The following PHLPP2 variants were observed in gnomAD, a reference collection of about 807,000 sequenced individuals.
PHLPP2 encodes the protein PH domain and leucine rich repeat protein phosphatase 2.
Under a neutral mutation model 124.9 loss-of-function variants are expected in PHLPP2, and 66 were observed. The ratio of observed to expected loss-of-function variants is 0.53; its 90% CI spans 0.43 to 0.65. The LOEUF is 0.65. Ranked by LOEUF, PHLPP2 falls within the 30% of genes least tolerant of loss-of-function variation. PHLPP2 has a pLI of 0.00. For synonymous variants in PHLPP2, 681 were observed against 624.7 expected (o/e 1.09, Z -1.34); for missense variants, 1,685 against 1,600.4 (o/e 1.05, Z -0.90).
intron 15 of PHLPP2, among the ~76,000 whole-genome samples, chr16:71,656,931 T>C (rs2044746926): frequency 6.6e-6 from 1 of 151,046 alleles, no homozygotes; most frequent in Non-Finnish European, 1.5e-5. Flanking sequence ...TGTATTTCTT[T>C]ATTTTATTCT....
At chr16:71,710,593 C>T (rs1470070910) in intron 2 of PHLPP2, among the ~76,000 whole-genome samples, 1 of 152,204 alleles carries the variant, frequency 6.6e-6, no homozygotes, top group Non-Finnish European at 1.5e-5. Context: ...AGGTGCCAGA[C>T]ATCAATCTAA....
chr16:71,717,561 C>G (rs1386512755), intron 1 of PHLPP2, among the ~76,000 whole-genome samples: 5 of 152,182 alleles, frequency 3.3e-5, no homozygotes, highest in African/African-American at 1.2e-4. Context: ...ACTGCATAAA[C>G]ATAGGGACCA....
chr16:71,696,482 C>G (rs771543678), intron 3 of PHLPP2, among the ~76,000 whole-genome samples: 33 of 151,896 alleles, frequency 2.2e-4, no homozygotes, highest in Admixed American at 4.6e-4. Context: ...ACTAAAAATA[C>G]AAAAACTAGC....
At chr16:71,668,590 C>T (rs1222409835) in intron 11 of PHLPP2, among the ~76,000 whole-genome samples, 1 of 151,886 alleles carries the variant, frequency 6.6e-6, no homozygotes, top group Non-Finnish European at 1.5e-5. Context: ...AGCAAAGCCC[C>T]GTCTCTACTA....
chr16:71,668,499 C>T (rs1016402265), intron 11 of PHLPP2, among the ~76,000 whole-genome samples: 4 of 150,092 alleles, frequency 2.7e-5, no homozygotes, highest in South Asian at 2.1e-4. Context: ...TGGTGGCTCA[C>T]GCCTGTAATC....
Position 71,669,286 on chromosome 16 carries a change from C to T in PHLPP2, c.1617G>A (p.Glu539=). 6.2e-7 allele frequency: 1 copy of T among 1,606,606 alleles called. No homozygotes were observed. The highest frequency in any genetic ancestry group is 1.1e-5 in the South Asian group (1 of 90,922). The change falls in exon 11 of 19, where the codon GAG becomes GAA. Residue 539 remains glutamate, a synonymous_variant. Transcript: ENST00000568954. ...VLDVSYNLLT[E]VPVRILSSLS... ...CCAGGCACACATACCTCACGGGAAC[C>T]TCTGTGAGAAGATTATAGCTCACAT...
intron 1 of PHLPP2, chr16:71,723,833 A>AGCGGGCCC (rs1181114225): frequency 2.4e-6 from 3 of 1,243,304 alleles, no homozygotes; most frequent in Non-Finnish European, 3.0e-6. Context: ...CGGGGGCTCC[A>AGCGGGCCC]GCGGGCCCGC....
In PHLPP2 at chr16:71,653,039, G is replaced by A. The variant is rs2044708845; in HGVS notation, c.2586-18C>T. On this transcript the variant is annotated intron_variant, in intron 17 of 18. Transcript: ENST00000568954. Reference sequence around the variant, plus strand: ...CTAATTTCCTGTTCAGAAAGAAAAGGAAAAGAAGACGTGGTGGCTAGTTTT... The same window carrying A: ...CTAATTTCCTGTTCAGAAAGAAAAGAAAAAGAAGACGTGGTGGCTAGTTTT... 1 of 1,561,028 alleles carries A rather than the reference G, an allele frequency of 6.4e-7. No homozygotes were observed. The highest frequency in any genetic ancestry group is 8.8e-7 in the Non-Finnish European group (1 of 1,137,650).
intron 6 of PHLPP2, among the ~76,000 whole-genome samples, chr16:71,681,475 C>T (rs6499529): frequency 0.85 from 129,413 of 152,198 alleles, 55,196 homozygotes; most frequent in East Asian, 0.99. Context: ...ACTAAATCTC[C>T]TGATGTAACT....
At chr16:71,685,767 T>C (rs982452797) in intron 4 of PHLPP2, among the ~76,000 whole-genome samples, 21 of 152,214 alleles carry the variant, frequency 1.4e-4, no homozygotes, top group Non-Finnish European at 8.8e-5. Flanking sequence ...CAGAGAATCA[T>C]ATAATGTCAA....
In PHLPP2 at chr16:71,681,870, C is replaced by T. The variant is rs746959350; in HGVS notation, c.771G>A (p.Ser257=). The change falls in exon 6 of 19, where the codon TCG becomes TCA. Residue 257 remains serine (S), a synonymous_variant. Transcript: ENST00000568954. ...VSQRISTVDL[S]CYSLEEVPEH... ...CAGGAACCTCCTCGAGGCTGTAACA[C>T]GAGAGATCCACGGTACTGATTCGCT... is the stretch of plus-strand genomic sequence containing the variant. 24 of 1,613,280 alleles carry T rather than the reference C, an allele frequency of 1.5e-5. No homozygotes were observed. Among genetic ancestry groups the T allele is most frequent in the East Asian group, 6.7e-5 (3 of 44,846 alleles).
At position 71,701,264 on chromosome 16, in the gene PHLPP2, TCATCTATC is replaced by T. The variant is rs1451997047; in HGVS notation, c.418+1326_418+1333del. Reference sequence around the variant, plus strand: ...GTTACAGAGCCAACAGATAACTAATTCATCTATCTATCTATCTATCTATCTATCTATCT... The same window carrying T: ...GTTACAGAGCCAACAGATAACTAATTTATCTATCTATCTATCTATCTATCT... On this transcript the variant is annotated intron_variant, in intron 3 of 18. Coordinates refer to ENST00000568954, the MANE Select transcript of PHLPP2 (RefSeq NM_015020.3). Among the ~76,000 whole-genome samples the T allele has an allele frequency of 6.9e-5, 10 of 144,452 alleles. No homozygotes were observed. In the East Asian group the frequency reaches 2.0e-3, roughly 29 times the overall value. The allele number at this position is 144,452 out of a possible 152,430, so 94.8% of individuals were successfully genotyped here. A position where few individuals can be genotyped will look rare whatever the true frequency, so the allele number is the denominator to read the frequency against.
rs113423355 is a variant in PHLPP2, at chr16:71,690,093, T to C, written c.609+426A>G. 3.4e-3 allele frequency among the ~76,000 whole-genome samples: 523 copies of C among 152,294 alleles called. 8 individuals are homozygous for C. The highest frequency in any genetic ancestry group is 0.012 in the African/African-American group (494 of 41,572). ...GGGATGGAGACTCCTCTAGGACAGA[T>C]GGAAGAAATGGCATGGCTCCCTGGC... On this transcript the variant is annotated intron_variant, in intron 4 of 18. Coordinates refer to ENST00000568954, the MANE Select transcript of PHLPP2 (RefSeq NM_015020.3).
rs543735609 is a variant in PHLPP2, at chr16:71,716,431, T to C, written c.-6-1630A>G. Among the ~76,000 whole-genome samples, 216 of 152,360 alleles carry C rather than the reference T, an allele frequency of 1.4e-3. 2 individuals carry two copies. Among genetic ancestry groups the C allele is most frequent in the African/African-American group, 4.9e-3 (205 of 41,582 alleles). Reference sequence around the variant, plus strand: ...AATGTCGCATTTGATAATTTAGGTATGTGAAATTCATATATTGCCAAGTTA... The same window carrying C: ...AATGTCGCATTTGATAATTTAGGTACGTGAAATTCATATATTGCCAAGTTA... On this transcript the variant is annotated intron_variant, in intron 1 of 18. Transcript: ENST00000568954.
chr16:71,723,451 G>C (rs1393757554), intron 1 of PHLPP2: 1 of 153,478 alleles, frequency 6.5e-6, no homozygotes, highest in Admixed American at 6.5e-5. Flanking sequence ...GGCAAGCAGG[G>C]GCGGCGAAGG....
intron 2 of PHLPP2, among the ~76,000 whole-genome samples, chr16:71,712,800 T>G (rs1193598503): frequency 6.6e-6 from 1 of 152,218 alleles, no homozygotes; most frequent in Non-Finnish European, 1.5e-5. Context: ...CTAAAGGTGT[T>G]ACTATTATTA....
chr16:71,718,688 A>G (rs1320259347), intron 1 of PHLPP2, among the ~76,000 whole-genome samples: 2 of 152,188 alleles, frequency 1.3e-5, no homozygotes, highest in African/African-American at 4.8e-5. Flanking sequence ...CAACATAGTG[A>G]AACCGCGTCT....
intron 3 of PHLPP2, among the ~76,000 whole-genome samples, chr16:71,701,731 T>C (rs1461028343): frequency 1.4e-5 from 2 of 140,910 alleles, no homozygotes; most frequent in African/African-American, 5.3e-5. Flanking sequence ...AAGGTTTTAG[T>C]TATCTGCAGT....
chr16:71,701,331 C>T (rs1313414890), intron 3 of PHLPP2, among the ~76,000 whole-genome samples: 1 of 58 alleles, frequency 0.017, no homozygotes, highest in Non-Finnish European at 0.056. Context: ...TATCTACCTA[C>T]CTACCTACCT....
Sources: gnomAD v4.1 joint callset for allele counts (sites outside exome capture counted in the v4.1 genomes callset) on GRCh38, gnomAD v4.1.1 for gene constraint, MANE v1.5 for transcripts, NCBI Gene and HGNC (gene_info 2026-07-23, HGNC 2026-07-21) for gene names.